The following DRGX variants were observed in gnomAD, a reference collection of about 807,000 sequenced individuals.
The protein encoded by DRGX is dorsal root ganglia homeobox protein.
In DRGX, 21 loss-of-function variants were observed where a neutral mutation model predicts 28.6. That is an observed-to-expected ratio of 0.73 (90% CI 0.52 to 1.06). The LOEUF (loss-of-function observed/expected upper bound fraction) is 1.06. DRGX is among the 50% of genes least tolerant of loss of function. The probability of loss-of-function intolerance (pLI) is 0.00; values close to 1 mark genes in which losing one functional copy is unlikely to be tolerated. For synonymous variants in DRGX, 136 were observed against 139.1 expected, an observed-to-expected ratio of 0.98 and a Z score of 0.16; for missense variants, 354 against 343.9, an observed-to-expected ratio of 1.03 and a Z score of -0.23.
Position 49,365,988 on chromosome 10 carries a change from G to T in DRGX, c.*128C>A. 1 of 1,207,272 alleles carries T rather than the reference G, an allele frequency of 8.3e-7. No individual in the cohort carries two copies. The highest frequency in any genetic ancestry group is 1.1e-6 in the Non-Finnish European group (1 of 906,508). The allele number at this position is 1,207,272 out of a possible 1,614,324, so 74.8% of individuals were successfully genotyped here. On this transcript the variant is annotated 3_prime_UTR_variant, in exon 7 of 7. Coordinates refer to ENST00000374139, the MANE Select transcript of DRGX (RefSeq NM_001276451.2). Reference sequence around the variant, plus strand: ...AGGGAGCTGTGGGTCTCACTTGCCCGTCCTGGGTCCATGCAGAGGCCCTGG... The same window carrying T: ...AGGGAGCTGTGGGTCTCACTTGCCCTTCCTGGGTCCATGCAGAGGCCCTGG...
chr10:49,392,716 A>T (rs1680869489), intron 2 of DRGX, among the ~76,000 whole-genome samples: 1 of 152,248 alleles, frequency 6.6e-6, no homozygotes, highest in African/African-American at 2.4e-5. Context: ...ATCCTAAAAA[A>T]GGGCTGACAG....
chr10:49,388,060 G>A (rs897495097), intron 4 of DRGX, among the ~76,000 whole-genome samples: 13 of 152,168 alleles, frequency 8.5e-5, no homozygotes, highest in African/African-American at 1.9e-4. Flanking sequence ...TGTCATCTCC[G>A]TCACCCTCAG....
At chr10:49,386,161 G>C (rs968058875) in intron 6 of DRGX, among the ~76,000 whole-genome samples, 6 of 152,162 alleles carry the variant, frequency 3.9e-5, no homozygotes, top group Admixed American at 2.6e-4. Context: ...GTGAGCTGCA[G>C]GTTGGCACCT....
At chr10:49,384,319 C>G (rs1849808510) in intron 6 of DRGX, among the ~76,000 whole-genome samples, 1 of 152,216 alleles carries the variant, frequency 6.6e-6, no homozygotes. Flanking sequence ...TCGCCGACCT[C>G]AAGGGCCCGC....
At chr10:49,375,040 T>C (rs17009968) in intron 6 of DRGX, among the ~76,000 whole-genome samples, 4,685 of 152,342 alleles carry the variant, frequency 0.031, 193 homozygotes, top group African/African-American at 0.093. Flanking sequence ...AGTGGGAATA[T>C]TGGTAGATGC....
intron 5 of DRGX, 25 bp downstream of exon 5, chr10:49,386,655 C>A: frequency 1.3e-6 from 2 of 1,571,098 alleles, no homozygotes. Flanking sequence ...CATGGCCCAC[C>A]GGGCCCAGAG....
Position 49,366,002 on chromosome 10 carries a change from C to T in DRGX, c.*114G>A. 3 of 1,334,738 alleles carry T rather than the reference C, an allele frequency of 2.2e-6. No individual in the cohort carries two copies. Among genetic ancestry groups the T allele is most frequent in the Non-Finnish European group, 3.0e-6 (3 of 1,012,630 alleles). 82.7% of individuals were successfully genotyped at this position (1,334,738 alleles called of 1,614,324 possible). A position where few individuals can be genotyped will look rare whatever the true frequency, so the allele number is the denominator to read the frequency against. The stretch of plus-strand genomic sequence containing the variant: ...CTCACTTGCCCGTCCTGGGTCCATG[C>T]AGAGGCCCTGGGGCCGCAGGCTTCT... On this transcript the variant is annotated 3_prime_UTR_variant, in exon 7 of 7. Transcript: ENST00000374139.
intron 4 of DRGX, 133 bp from the exon 5 acceptor site, chr10:49,386,991 G>T: frequency 9.4e-7 from 1 of 1,060,782 alleles, no homozygotes; most frequent in Non-Finnish European, 1.3e-6. Context: ...GAACTGCAGC[G>T]TCAGGCCCAC....
At chr10:49,378,784 C>A (rs1252068332) in intron 6 of DRGX, among the ~76,000 whole-genome samples, 1 of 152,070 alleles carries the variant, frequency 6.6e-6, no homozygotes, top group African/African-American at 2.4e-5. Flanking sequence ...CTAATTGCAA[C>A]AAATCTTGTA....
chr10:49,369,743 C>T lies in DRGX; in HGVS notation c.527-3362G>A, dbSNP rs908717802. On this transcript the variant is annotated intron_variant, in intron 6 of 6. Transcript: ENST00000374139. ...TTAAGATGGTAAATTTTATGTTACG[C>T]ATGTTTTACCATAATCAAAAAGAAA... 3.4e-4 allele frequency among the ~76,000 whole-genome samples: 51 copies of T among 151,764 alleles called. 1 individual carries two copies. Among genetic ancestry groups the T allele is most frequent in the Admixed American group, 4.6e-4 (7 of 15,246 alleles).
Position 49,373,240 on chromosome 10 carries a change from T to C in DRGX, c.527-6859A>G, listed in dbSNP as rs139922443. On this transcript the variant is annotated intron_variant, in intron 6 of 6. Transcript: ENST00000374139. ...GAACTGGCTGAATAAGTTATACCCATATAGAACACACTACAACTACGACAA... is the reference window on the plus strand; with the variant it reads ...GAACTGGCTGAATAAGTTATACCCACATAGAACACACTACAACTACGACAA... Among the ~76,000 whole-genome samples, 570 of 152,154 alleles carry C rather than the reference T, an allele frequency of 3.7e-3. 2 individuals carry two copies. Among genetic ancestry groups the C allele is most frequent in the East Asian group, 0.016 (85 of 5,190 alleles).
intron 6 of DRGX, among the ~76,000 whole-genome samples, chr10:49,380,857 A>G (rs7900263): frequency 0.053 from 7,996 of 152,278 alleles, 598 homozygotes; most frequent in African/African-American, 0.17. Context: ...GACTCTGGTC[A>G]ACAATAGTTG....
At chr10:49,380,438 C>G (rs886997580) in intron 6 of DRGX, among the ~76,000 whole-genome samples, 11 of 152,224 alleles carry the variant, frequency 7.2e-5, no homozygotes, top group Admixed American at 7.2e-4. Context: ...TGAATGAAAT[C>G]CTGGCCATTA....
intron 6 of DRGX, among the ~76,000 whole-genome samples, chr10:49,381,415 C>T (rs1015694137): frequency 3.3e-5 from 5 of 152,234 alleles, no homozygotes; most frequent in African/African-American, 9.6e-5. Context: ...CCCTCTGGCC[C>T]GAGCAGCCCT....
At chr10:49,393,293 C>T (rs536688781) in intron 2 of DRGX, among the ~76,000 whole-genome samples, 1 of 152,056 alleles carries the variant, frequency 6.6e-6, no homozygotes, top group Non-Finnish European at 1.5e-5. Flanking sequence ...AATGATGTAG[C>T]AATATAATTT....
At chr10:49,389,481 C>G (rs1048150787) in intron 4 of DRGX, among the ~76,000 whole-genome samples, 3 of 152,188 alleles carry the variant, frequency 2.0e-5, no homozygotes, top group Non-Finnish European at 2.9e-5. Context: ...ATCCCTTCCT[C>G]TCGCACTTGG....
chr10:49,366,555 C>G (rs1386023932), intron 6 of DRGX, among the ~76,000 whole-genome samples, 174 bp from the exon 7 acceptor site: 1 of 152,186 alleles, frequency 6.6e-6, no homozygotes, highest in Non-Finnish European at 1.5e-5. Context: ...AATAAGGGAC[C>G]TAGTTAATCG....
intron 6 of DRGX, among the ~76,000 whole-genome samples, chr10:49,366,876 G>A (rs78535267): frequency 0.069 from 10,456 of 152,250 alleles, 436 homozygotes; most frequent in Middle Eastern, 0.14. Flanking sequence ...GCCTAACCAC[G>A]AGATCCTGCT....
At chr10:49,395,176 C>A (rs879257865) in intron 2 of DRGX, among the ~76,000 whole-genome samples, 2 of 152,194 alleles carry the variant, frequency 1.3e-5, no homozygotes, top group Non-Finnish European at 2.9e-5. Flanking sequence ...TAGCCCGGGG[C>A]GTCCTGGCCC....
Sources: allele counts gnomAD v4.1 joint callset (sites outside exome capture counted in the v4.1 genomes callset), GRCh38; gene constraint gnomAD v4.1.1; transcripts MANE v1.5; gene names NCBI Gene and HGNC (gene_info 2026-07-23, HGNC 2026-07-21).